The following SNX22 variants were observed in gnomAD, a reference collection of about 807,000 sequenced individuals.
SNX22 encodes sorting nexin-22.
A neutral mutation model predicts 24.7 loss-of-function variants in SNX22; 23 were observed. The observed-to-expected ratio is 0.93, with a 90% CI of 0.67 to 1.32. The LOEUF (loss-of-function observed/expected upper bound fraction) is 1.32, where lower values mean the gene tolerates loss of function less well. Ranked by LOEUF, SNX22 falls within the 40% of genes most tolerant of loss-of-function variation. The pLI is 0.00. For synonymous variants in SNX22, 99 were observed against 104.0 expected (o/e 0.95, Z 0.29); for missense variants, 261 against 249.9 (o/e 1.04, Z -0.30).
At position 64,155,913 on chromosome 15, in the gene SNX22, A is replaced by T; in HGVS notation, c.*1405A>T. The T allele has an allele frequency of 6.6e-7, 1 of 1,521,786 alleles. No individual in the cohort carries two copies. The highest frequency in any genetic ancestry group is 1.1e-5 in the South Asian group (1 of 88,934). The allele number at this position is 1,521,786 out of a possible 1,614,324, so 94.3% of individuals were successfully genotyped here. ...CCATGGGCCTGTGGAATGTGAGGGG[A>T]GTGGGTCCGCTCCACCAGATGCCAG... is the stretch of plus-strand genomic sequence containing the variant. On this transcript the variant is annotated 3_prime_UTR_variant, in exon 7 of 7. Transcript: ENST00000325881.
Position 64,156,406 on chromosome 15 carries a change from G to T in SNX22, c.*1898G>T. ...GAGGAGGAGGAAGAGGGTGACCAGG[G>T]CATGTGGCTTCTCAGGGACATTGCG... is the stretch of plus-strand genomic sequence containing the variant. On this transcript the variant is annotated 3_prime_UTR_variant, in exon 7 of 7. Transcript: ENST00000325881. This position sits in a 1 kb window ranked among gnomAD's most constrained non-coding sequence, Gnocchi z 6.4. 1.6e-6 allele frequency: 1 copy of T among 625,594 alleles called. No homozygotes were observed. Among genetic ancestry groups the T allele is most frequent in the African/African-American group, 1.8e-5 (1 of 54,896 alleles). The allele number at this position is 625,594 out of a possible 1,614,324, so 38.8% of individuals were successfully genotyped here.
chr15:64,153,612 G>C (rs758254334), intron 4 of SNX22, 40 bp from the exon 5 acceptor site: 10 of 1,613,604 alleles, frequency 6.2e-6, no homozygotes, highest in Admixed American at 1.7e-5. Flanking sequence ...ACGCTCCCCC[G>C]GCATCCCCAG....
At position 64,153,138 on chromosome 15, in the gene SNX22, TGTC is replaced by T. The variant is rs1201028477; in HGVS notation, c.265-104_265-102del. The T allele has an allele frequency of 2.9e-6, 4 of 1,382,256 alleles. No homozygotes were observed. In the African/African-American group the frequency reaches 4.3e-5, roughly 15 times the overall value. 85.6% of individuals were successfully genotyped at this position (1,382,256 alleles called of 1,614,324 possible). ...GCCTGGTTCAACGCTCTGCTGTCAT[TGTC>T]GTGAAATTCTTTTTTTGGAACAAAG... is the stretch of plus-strand genomic sequence containing the variant. On this transcript the variant is annotated intron_variant, in intron 3 of 6. Transcript: ENST00000325881.
intron 2 of SNX22, 156 bp downstream of exon 2, chr15:64,152,482 G>A (rs1414911368): frequency 8.4e-7 from 1 of 1,196,192 alleles, no homozygotes. Flanking sequence ...CTGTGGGTGG[G>A]TTGGGGCCTT....
At position 64,156,964 on chromosome 15, in the gene SNX22, A is replaced by G. The variant is rs1839791669; in HGVS notation, c.*2456A>G. 3 of 1,576,410 alleles carry G rather than the reference A, an allele frequency of 1.9e-6. No homozygotes were observed. The highest frequency in any genetic ancestry group is 2.6e-6 in the Non-Finnish European group (3 of 1,148,780). On this transcript the variant is annotated 3_prime_UTR_variant, in exon 7 of 7. Transcript: ENST00000325881. This position sits in a 1 kb window ranked among gnomAD's most constrained non-coding sequence, Gnocchi z 6.4. ...CGCTGGATTGCGCCAAACCAAGCAG[A>G]CATTCGGGGCCAGGACTGAGGGGGC...
chr15:64,152,829 G>A (rs943371532), intron 3 of SNX22, 87 bp downstream of exon 3: 16 of 1,194,860 alleles, frequency 1.3e-5, no homozygotes, highest in Non-Finnish European at 1.5e-5. Context: ...TGGCAGGGAG[G>A]GAACCCACAA....
Position 64,156,137 on chromosome 15 carries a change from C to A in SNX22, c.*1629C>A. On this transcript the variant is annotated 3_prime_UTR_variant, in exon 7 of 7. Transcript: ENST00000325881. The surrounding 1 kb of genome is among the most constrained non-coding windows in gnomAD (Gnocchi z 6.4). ...CTGTCTTGGTGCTCTCCACCTTCCG[C>A]ACCACCTCCTGGAAAAGAAAGGTGG... The A allele has an allele frequency of 6.2e-7, 1 of 1,614,156 alleles. No individual in the cohort carries two copies. Among genetic ancestry groups the A allele is most frequent in the Non-Finnish European group, 8.5e-7 (1 of 1,180,030 alleles).
rs1418521149 is a variant in SNX22, at chr15:64,153,255, A to G, written c.275A>G (p.Tyr92Cys). ...GLEAYIQGIL[Y>C]LNQEVPKELL... The stretch of plus-strand genomic sequence containing the variant: ...CTCTGTCCTCTCCAGGGCATCCTGT[A>G]CCTGAACCAGGAGGTGCCCAAGGAG... The change falls in exon 4 of 7, where the codon TAC becomes TGC. Residue 92 changes from tyrosine (Y) to cysteine (C), a missense_variant. Coordinates refer to ENST00000325881, the MANE Select transcript of SNX22 (RefSeq NM_024798.3). The G allele has an allele frequency of 6.2e-7, 1 of 1,614,166 alleles. No individual in the cohort carries two copies. The highest frequency in any genetic ancestry group is 1.3e-5 in the African/African-American group (1 of 75,050).
chr15:64,152,629 CTCCAGTAGA>C lies in SNX22; in HGVS notation c.160-6_162del, dbSNP rs1185815742. The stretch of plus-strand genomic sequence containing the variant: ...GATGCTGTGATCGCACGCGGTAAAC[CTCCAGTAGA>C]TCAAGAAGCTGTACAAAGTGCCCGA... On this transcript the variant is annotated splice_acceptor_variant and splice_polypyrimidine_tract_variant and coding_sequence_variant and intron_variant, in exon 3 of 7. Coordinates refer to ENST00000325881, the MANE Select transcript of SNX22 (RefSeq NM_024798.3). LOFTEE classifies it high-confidence loss of function. 2 of 1,613,522 alleles carry C rather than the reference CTCCAGTAGA, an allele frequency of 1.2e-6. No individual in the cohort carries two copies. Among genetic ancestry groups the C allele is most frequent in the Admixed American group, 3.3e-5 (2 of 60,020 alleles).
rs1596025603 is a variant in SNX22 at position 64,154,563 on chromosome 15, G to A, written c.*55G>A. On this transcript the variant is annotated 3_prime_UTR_variant, in exon 7 of 7. Transcript: ENST00000325881. ...AGAAAGTCATGTGCCTCTGTCCTAT[G>A]AACTCCATATAAGGCTGGGTCCTCC... is the stretch of plus-strand genomic sequence containing the variant. 1.9e-6 allele frequency: 3 copies of A among 1,601,846 alleles called. No individual in the cohort carries two copies. The East Asian group carries it at 6.7e-5, about 36-fold the overall frequency.
rs2081520289 is a variant in SNX22, at chr15:64,155,349, G to GT, written c.*842dup. ...CTGCACTCCAGCCTGGGCAACAAGAGTGAAACTCCGTCTCAAAATAAATAA... is the reference window on the plus strand; with the variant it reads ...CTGCACTCCAGCCTGGGCAACAAGAGTTGAAACTCCGTCTCAAAATAAATAA... On this transcript the variant is annotated 3_prime_UTR_variant, in exon 7 of 7. Transcript: ENST00000325881. 6.6e-6 allele frequency: 1 copy of GT among 152,580 alleles called. No individual in the cohort carries two copies. 9.5% of individuals were successfully genotyped at this position (152,580 alleles called of 1,614,324 possible).
chr15:64,151,877 G>A, intron 1 of SNX22, 27 bp downstream of exon 1: 2 of 1,519,592 alleles, frequency 1.3e-6, no homozygotes, highest in Non-Finnish European at 1.8e-6. Context: ...GATGGGGAGG[G>A]GCGCCGGGAC....
chr15:64,152,211 C>A, intron 1 of SNX22, 32 bp from the exon 2 acceptor site: 1 of 1,380,802 alleles, frequency 7.2e-7, no homozygotes, highest in African/African-American at 1.5e-5. Flanking sequence ...CGGGGCCTCA[C>A]GCGCAGACCC....
rs1302437052 is a variant in SNX22, at chr15:64,152,751, G to T, written c.264+9G>T. The T allele has an allele frequency of 5.6e-6, 9 of 1,613,050 alleles. No homozygotes were observed. The highest frequency in any genetic ancestry group is 7.6e-6 in the Non-Finnish European group (9 of 1,179,124). ...TGGAGGCTTACATCCAGGTATGCGA[G>T]AGCACAGTTGGTTGCCCCCCGGCCT... On this transcript the variant is annotated intron_variant, in intron 3 of 6. Transcript: ENST00000325881.
At chr15:64,153,405 G>A (rs987872406) in intron 4 of SNX22, 66 bp downstream of exon 4, 60 of 1,603,666 alleles carry the variant, frequency 3.7e-5, no homozygotes, top group Non-Finnish European at 4.8e-5. Flanking sequence ...AGGTGTTGGA[G>A]GGCAAGCCCT....
At position 64,154,351 on chromosome 15, in the gene SNX22, G is replaced by T. The variant is rs2140178092; in HGVS notation, c.461-36G>T. The T allele has an allele frequency of 1.9e-6, 3 of 1,612,518 alleles. No individual in the cohort carries two copies. In the East Asian group the frequency reaches 6.7e-5, roughly 36 times the overall value. On this transcript the variant is annotated intron_variant, in intron 6 of 6. Transcript: ENST00000325881. ...ATGAGCAGGAGCTCAAGGAGCTGCA[G>T]GTCTGAGGCCAGACCTGTTTAATTC...
rs2081520666 is a variant in SNX22 at position 64,155,420 on chromosome 15, A to T, written c.*912A>T. The T allele has an allele frequency of 1.0e-4, 16 of 154,320 alleles. No individual in the cohort carries two copies. The highest frequency in any genetic ancestry group is 5.7e-5 in the Non-Finnish European group (4 of 69,852). 9.6% of individuals were successfully genotyped at this position (154,320 alleles called of 1,614,324 possible). A position where few individuals can be genotyped will look rare whatever the true frequency, so the allele number is the denominator to read the frequency against. On this transcript the variant is annotated 3_prime_UTR_variant, in exon 7 of 7. Transcript: ENST00000325881. ...CTGGGTGCAGAGGCTCATGCCTGTA[A>T]TCCCAATACTTTAGGAGGCCAAGGC...
intron 2 of SNX22, 133 bp from the exon 3 acceptor site, chr15:64,152,505 C>T (rs769702854): frequency 1.1e-4 from 137 of 1,213,556 alleles, no homozygotes; most frequent in Non-Finnish European, 1.5e-4. Context: ...TCGCCCTCGG[C>T]CGGTCCACCA....
intron 4 of SNX22, 123 bp downstream of exon 4, chr15:64,153,462 C>G: frequency 6.5e-7 from 1 of 1,528,626 alleles, no homozygotes; most frequent in Non-Finnish European, 8.9e-7. Context: ...CTCACCAGCT[C>G]TCTTGACCTG....
Sources: allele counts gnomAD v4.1 joint callset, GRCh38; gene constraint gnomAD v4.1.1; non-coding constraint Gnocchi (gnomAD v3.1); transcripts MANE v1.5; gene names NCBI Gene and HGNC (gene_info 2026-07-23, HGNC 2026-07-21).